Variants in LUC7L2 observed in about 807,000 individuals in gnomAD.
LUC7L2 encodes the protein LUC7 like 2, pre-mRNA splicing factor, also known as putative RNA-binding protein Luc7-like 2.
A neutral mutation model predicts 52.8 loss-of-function variants in LUC7L2; 25 were observed. The ratio of observed to expected loss-of-function variants is 0.47; its 90% CI spans 0.34 to 0.66. LUC7L2 has a LOEUF of 0.66. Ranked by LOEUF, LUC7L2 falls within the 30% of genes least tolerant of loss-of-function variation. The pLI, the probability that LUC7L2 is intolerant of heterozygous loss-of-function variation, is 0.01. For synonymous variants in LUC7L2, 144 were observed against 160.9 expected (o/e 0.89, Z 0.80); for missense variants, 328 against 497.8 (o/e 0.66, Z 3.25).
At chr7:139,372,589 GAA>G (rs990340817) in intron 1 of LUC7L2, among the ~76,000 whole-genome samples, 1 of 151,828 alleles carries the variant, frequency 6.6e-6, no homozygotes, top group Non-Finnish European at 1.5e-5. Context: ...CTACCTAATT[GAA>G]ACACACATTT....
intron 4 of LUC7L2, 95 bp downstream of exon 4, chr7:139,402,342 C>G: frequency 8.2e-7 from 1 of 1,225,122 alleles, no homozygotes; most frequent in East Asian, 2.8e-5. Context: ...CAAGAGATTG[C>G]AAAGACATAT....
At position 139,368,326 on chromosome 7, in the gene LUC7L2, C is replaced by T. The variant is rs892463495; in HGVS notation, c.62-7736C>T. Among the ~76,000 whole-genome samples the T allele has an allele frequency of 2.8e-4, 42 of 152,216 alleles. 1 individual carries two copies. Among genetic ancestry groups the T allele is most frequent in the Admixed American group, 1.2e-3 (18 of 15,300 alleles). Reference sequence around the variant, plus strand: ...AATGTTTATTTTTAAGTAATAAGTTCTGTGATAGTGATTATAGGTGTCTGC... The same window carrying T: ...AATGTTTATTTTTAAGTAATAAGTTTTGTGATAGTGATTATAGGTGTCTGC... On this transcript the variant is annotated intron_variant, in intron 1 of 9. Transcript: ENST00000354926.
chr7:139,386,478 T>C (rs1020763474), intron 2 of LUC7L2, among the ~76,000 whole-genome samples: 19 of 148,830 alleles, frequency 1.3e-4, no homozygotes, highest in African/African-American at 3.8e-4. Flanking sequence ...GATCTTGGCT[T>C]ACTGCAAGCT....
At chr7:139,414,567 C>G (rs1795505023) in intron 8 of LUC7L2, among the ~76,000 whole-genome samples, 1 of 152,236 alleles carries the variant, frequency 6.6e-6, no homozygotes, top group Non-Finnish European at 1.5e-5. Flanking sequence ...TCATTACATT[C>G]AGTAACTTAT....
chr7:139,383,479 T>C (rs1007318911), intron 2 of LUC7L2, among the ~76,000 whole-genome samples: 2 of 152,066 alleles, frequency 1.3e-5, no homozygotes, highest in Admixed American at 1.3e-4. Context: ...TGGCGCGATC[T>C]CGGCTCACTT....
intron 2 of LUC7L2, among the ~76,000 whole-genome samples, chr7:139,384,121 A>C (rs1794086358): frequency 6.6e-6 from 1 of 151,964 alleles, no homozygotes; most frequent in Non-Finnish European, 1.5e-5. Context: ...TCAGTCTGTA[A>C]ATTGTTTAAC....
intron 1 of LUC7L2, among the ~76,000 whole-genome samples, chr7:139,349,045 T>G (rs1799365453): frequency 6.6e-6 from 1 of 151,916 alleles, no homozygotes; most frequent in South Asian, 2.1e-4. Flanking sequence ...TCCCAGCTAC[T>G]TTGGAGGCTG....
intron 2 of LUC7L2, among the ~76,000 whole-genome samples, chr7:139,396,498 CG>C (rs1794669250): frequency 1.3e-5 from 2 of 152,102 alleles, no homozygotes; most frequent in African/African-American, 4.8e-5. Flanking sequence ...GGAGTCCCTT[CG>C]GGCCATAATA....
intron 1 of LUC7L2, among the ~76,000 whole-genome samples, chr7:139,372,809 G>A (rs998854841): frequency 3.9e-5 from 6 of 152,020 alleles, no homozygotes; most frequent in African/African-American, 1.4e-4. Context: ...AAATTAATAT[G>A]TCCTATTTCT....
rs1794379813 is a variant in LUC7L2, at chr7:139,390,208, G to T, written c.157-8391G>T. Among the ~76,000 whole-genome samples, 8 of 144,372 alleles carry T rather than the reference G, an allele frequency of 5.5e-5. No homozygotes were observed. The South Asian group carries it at 1.7e-3, about 31-fold the overall frequency. The allele number at this position is 144,372 out of a possible 152,430, so 94.7% of individuals were successfully genotyped here. On this transcript the variant is annotated intron_variant, in intron 2 of 9. Coordinates refer to ENST00000354926, the MANE Select transcript of LUC7L2 (RefSeq NM_016019.5). ...AAGAGAGGTGTTTTGATGTGGTCCA[G>T]TGCCCAGTCTCTCTCTCTCTCTCTC...
intron 1 of LUC7L2, 73 bp downstream of exon 1, chr7:139,360,395 A>C (rs923354804): frequency 2.1e-6 from 3 of 1,430,766 alleles, no homozygotes; most frequent in East Asian, 2.6e-5. Flanking sequence ...CCGAGGGCGC[A>C]CCTGGGCGCG....
intron 1 of LUC7L2, among the ~76,000 whole-genome samples, chr7:139,370,643 T>TG (rs150218042): frequency 0.018 from 2,752 of 152,200 alleles, 85 homozygotes; most frequent in African/African-American, 0.062. Flanking sequence ...TTAGTAGTGA[T>TG]GGGGTTTCAC....
intron 1 of LUC7L2, among the ~76,000 whole-genome samples, chr7:139,351,045 G>T (rs1799443936): frequency 6.6e-6 from 1 of 152,000 alleles, no homozygotes; most frequent in African/African-American, 2.4e-5. Flanking sequence ...TACATGTTGG[G>T]TATTCCTCAG....
At chr7:139,341,295 C>T (rs1798941676) in intron 1 of LUC7L2, 2 of 1,518,354 alleles carry the variant, frequency 1.3e-6, no homozygotes, top group African/African-American at 1.4e-5. Flanking sequence ...GGTAGTCTGT[C>T]CGACCGTACC....
chr7:139,375,040 A>G (rs1199035403), intron 1 of LUC7L2: 1 of 983,440 alleles, frequency 1.0e-6, no homozygotes, highest in Non-Finnish European at 1.2e-6. Flanking sequence ...TCGATAATAT[A>G]TCAGTTTAAG....
intron 1 of LUC7L2, among the ~76,000 whole-genome samples, chr7:139,349,686 T>G (rs1334789597): frequency 6.7e-6 from 1 of 149,718 alleles, no homozygotes; most frequent in East Asian, 2.0e-4. Context: ...TAAAAACTAC[T>G]CTGCCTCTAT....
intron 5 of LUC7L2, 81 bp from the exon 6 acceptor site, chr7:139,407,093 G>A (rs1795165369): frequency 7.9e-7 from 1 of 1,266,074 alleles, no homozygotes; most frequent in Non-Finnish European, 1.0e-6. Context: ...AACACTTTTG[G>A]TATAAGCATA....
At chr7:139,381,878 ATTT>A (rs57302073) in intron 2 of LUC7L2, among the ~76,000 whole-genome samples, 1 of 105,176 alleles carries the variant, frequency 9.5e-6, no homozygotes, top group Non-Finnish European at 1.9e-5. Flanking sequence ...GCCTGGCCTA[ATTT>A]TTTTTTTTTT....
chr7:139,360,377 A>G (rs1799805548), intron 1 of LUC7L2, 55 bp downstream of exon 1: 1 of 1,521,870 alleles, frequency 6.6e-7, no homozygotes, highest in Non-Finnish European at 8.9e-7. Context: ...CGGCGAAGGG[A>G]AGGGGTTCCG....
Sources: gnomAD v4.1 joint callset for allele counts (sites outside exome capture counted in the v4.1 genomes callset) on GRCh38, gnomAD v4.1.1 for gene constraint, MANE v1.5 for transcripts, NCBI Gene and HGNC (gene_info 2026-07-23, HGNC 2026-07-21) for gene names.